The following MEGF11 variants were observed in gnomAD, a reference collection of about 807,000 sequenced individuals.
The protein encoded by MEGF11 is multiple epidermal growth factor-like domains protein 11.
In MEGF11, 126 loss-of-function variants were observed where a neutral mutation model predicts 146.6. That is an observed-to-expected ratio of 0.86 (90% CI 0.74 to 1.00). MEGF11 has a LOEUF of 1.00. Ranked by LOEUF, MEGF11 falls within the 50% of genes least tolerant of loss-of-function variation. The pLI is 0.00. For missense variants in MEGF11, 1,509 were observed against 1,521.2 expected (o/e 0.99, Z 0.13); for synonymous variants, 532 against 583.4 (o/e 0.91, Z 1.27).
chr15:66,216,924 G>T lies in MEGF11; in HGVS notation c.-9+36681C>A, dbSNP rs529858951. Among the ~76,000 whole-genome samples the T allele has an allele frequency of 1.1e-4, 16 of 152,350 alleles. No individual in the cohort carries two copies. The East Asian group carries it at 2.3e-3, about 22-fold the overall frequency. ...CTGGTTAGTTGGCTAAAGAGAAGGT[G>T]CTTTCAAAGGCTTGGCCCTCTTGCC... On this transcript the variant is annotated intron_variant, in intron 1 of 25. Transcript: ENST00000395614.
intron 1 of MEGF11, among the ~76,000 whole-genome samples, chr15:66,134,226 C>G (rs1053366747): frequency 2.0e-5 from 3 of 152,124 alleles, no homozygotes; most frequent in Non-Finnish European, 4.4e-5. Flanking sequence ...AGCCTCCCTC[C>G]CACAACAGGC....
intron 20 of MEGF11, 57 bp from the exon 21 acceptor site, chr15:65,912,257 C>G: frequency 9.7e-7 from 1 of 1,030,668 alleles, no homozygotes; most frequent in Non-Finnish European, 1.2e-6. Flanking sequence ...GCATGAGATA[C>G]CCCCAGTACT....
rs77532247 is a variant in MEGF11, at chr15:65,997,663, A to T, written c.395-15175T>A. Among the ~76,000 whole-genome samples the T allele has an allele frequency of 5.3e-5, 8 of 152,328 alleles. No homozygotes were observed. The East Asian group carries it at 1.5e-3, about 29-fold the overall frequency. On this transcript the variant is annotated intron_variant, in intron 5 of 25. Coordinates refer to ENST00000395614, the MANE Select transcript of MEGF11 (RefSeq NM_001385028.1). ...ACTAGAATGTCAGCTCCATGAGGGC[A>T]GGGGCTCTGTTTTATTCACTGTTAT... is the stretch of plus-strand genomic sequence containing the variant.
chr15:66,182,220 G>A (rs2090568375), intron 1 of MEGF11, among the ~76,000 whole-genome samples: 1 of 152,090 alleles, frequency 6.6e-6, no homozygotes, highest in Non-Finnish European at 1.5e-5. Context: ...CCCTCCACGG[G>A]CCTGCTCCCC....
intron 3 of MEGF11, among the ~76,000 whole-genome samples, chr15:66,123,033 T>C (rs2088127496): frequency 6.6e-6 from 1 of 152,178 alleles, no homozygotes; most frequent in East Asian, 1.9e-4. Context: ...TACGCCCACC[T>C]CGGCCTCCCA....
At chr15:66,115,313 C>T (rs2087669026) in intron 4 of MEGF11, among the ~76,000 whole-genome samples, 1 of 152,220 alleles carries the variant, frequency 6.6e-6, no homozygotes, top group Admixed American at 6.5e-5. Context: ...CCCAGGCTCA[C>T]AAGTCTCCCA....
intron 20 of MEGF11, among the ~76,000 whole-genome samples, chr15:65,913,049 A>G (rs2078865920): frequency 6.6e-6 from 1 of 152,212 alleles, no homozygotes; most frequent in Non-Finnish European, 1.5e-5. Context: ...GCCAATATGA[A>G]GCAAAAAACC....
At chr15:66,188,270 A>C (rs1019378480) in intron 1 of MEGF11, among the ~76,000 whole-genome samples, 1 of 152,126 alleles carries the variant, frequency 6.6e-6, no homozygotes, top group Non-Finnish European at 1.5e-5. Flanking sequence ...AAAGAATATA[A>C]ATTCTTGGTA....
intron 13 of MEGF11, among the ~76,000 whole-genome samples, chr15:65,928,013 C>T (rs142188161): frequency 6.6e-6 from 1 of 152,210 alleles, no homozygotes; most frequent in Non-Finnish European, 1.5e-5. Flanking sequence ...CCCAGCAGAC[C>T]GTGTGGTGGC....
intron 5 of MEGF11, among the ~76,000 whole-genome samples, chr15:66,087,548 C>T (rs1313659473): frequency 6.6e-6 from 1 of 152,142 alleles, no homozygotes; most frequent in Non-Finnish European, 1.5e-5. Context: ...AATACATGGA[C>T]ATTAAATAAC....
intron 5 of MEGF11, among the ~76,000 whole-genome samples, chr15:65,996,998 G>A (rs1414984146): frequency 6.6e-6 from 1 of 152,210 alleles, no homozygotes; most frequent in Non-Finnish European, 1.5e-5. Flanking sequence ...ACCTATCGGT[G>A]GGAAGCACGT....
At position 65,962,416 on chromosome 15, in the gene MEGF11, T is replaced by C. The variant is rs2080891500; in HGVS notation, c.1112+2492A>G. On this transcript the variant is annotated intron_variant, in intron 9 of 25. Transcript: ENST00000395614. ...TTGGGCAGTGGAAGAAGGGTGCTACTGGCATCTAGTGGGTAGAGGCCAGGG... is the reference window on the plus strand; with the variant it reads ...TTGGGCAGTGGAAGAAGGGTGCTACCGGCATCTAGTGGGTAGAGGCCAGGG... Among the ~76,000 whole-genome samples, 5 of 152,166 alleles carry C rather than the reference T, an allele frequency of 3.3e-5. No individual in the cohort carries two copies. In the South Asian group the frequency reaches 1.0e-3, roughly 32 times the overall value.
At chr15:65,968,187 G>T (rs2081177928) in intron 8 of MEGF11, among the ~76,000 whole-genome samples, 1 of 152,146 alleles carries the variant, frequency 6.6e-6, no homozygotes, top group African/African-American at 2.4e-5. Context: ...AGGAGAAGTA[G>T]AATGGGGGAA....
chr15:66,123,442 T>A (rs955622098), intron 3 of MEGF11, among the ~76,000 whole-genome samples: 9 of 152,116 alleles, frequency 5.9e-5, no homozygotes, highest in African/African-American at 2.2e-4. Context: ...GAACAAGTAG[T>A]TTATTTTGGA....
intron 12 of MEGF11, among the ~76,000 whole-genome samples, chr15:65,929,477 G>A (rs1027182430): frequency 1.3e-5 from 2 of 152,168 alleles, no homozygotes; most frequent in African/African-American, 2.4e-5. Context: ...AGAGCAGCAC[G>A]GGAAAAGTGA....
chr15:66,033,512 C>T (rs531461596), intron 5 of MEGF11, among the ~76,000 whole-genome samples: 8 of 152,322 alleles, frequency 5.3e-5, no homozygotes, highest in East Asian at 3.9e-4. Flanking sequence ...GCCTTGGTGG[C>T]GTCCATGTGG....
chr15:66,207,234 G>A (rs906275078), intron 1 of MEGF11, among the ~76,000 whole-genome samples: 3 of 152,128 alleles, frequency 2.0e-5, no homozygotes, highest in African/African-American at 7.2e-5. Flanking sequence ...ATCACAAAGA[G>A]ATCCACACCT....
Position 66,186,185 on chromosome 15 carries a change from G to A in MEGF11, c.-8-57774C>T, listed in dbSNP as rs554442380. Reference sequence around the variant, plus strand: ...TCACTTTAGATGTCACTGGAAAAGAGGAGGAATTTAACAGCATAGACCCTC... The same window carrying A: ...TCACTTTAGATGTCACTGGAAAAGAAGAGGAATTTAACAGCATAGACCCTC... On this transcript the variant is annotated intron_variant, in intron 1 of 25. Coordinates refer to ENST00000395614, the MANE Select transcript of MEGF11 (RefSeq NM_001385028.1). Among the ~76,000 whole-genome samples the A allele has an allele frequency of 2.0e-4, 30 of 152,286 alleles. 1 individual carries two copies. The highest frequency in any genetic ancestry group is 3.4e-3 in the Middle Eastern group (1 of 294).
rs898031543 is a variant in MEGF11, at chr15:66,107,616, C to T, written c.301+11470G>A. Among the ~76,000 whole-genome samples the T allele has an allele frequency of 3.5e-4, 53 of 152,114 alleles. 1 individual carries two copies. The highest frequency in any genetic ancestry group is 1.3e-4 in the Non-Finnish European group (9 of 68,022). ...CACACATGGGACATGGGTACAGATA[C>T]CAGAATTCTGGGAGAAGCTTTGGGA... On this transcript the variant is annotated intron_variant, in intron 4 of 25. Transcript: ENST00000395614.
Sources: gnomAD v4.1 joint callset for allele counts (sites outside exome capture counted in the v4.1 genomes callset) on GRCh38, gnomAD v4.1.1 for gene constraint, MANE v1.5 for transcripts, NCBI Gene and HGNC (gene_info 2026-07-23, HGNC 2026-07-21) for gene names.